ADCY9: variants seen among roughly 807,000 people sequenced by gnomAD.
The protein encoded by ADCY9 is adenylate cyclase 9, also known as adenylate cyclase type 9.
A neutral mutation model predicts 101.5 loss-of-function variants in ADCY9; 50 were observed. The ratio of observed to expected loss-of-function variants is 0.49; its 90% CI spans 0.39 to 0.62. ADCY9 has a LOEUF of 0.62. Among genes scored for constraint, ADCY9 ranks in the 20% least tolerant of loss-of-function variants. The pLI, the probability that ADCY9 is intolerant of heterozygous loss-of-function variation, is 0.00. For missense variants in ADCY9, 1,662 were observed against 1,800.4 expected (o/e 0.92, Z 1.39); for synonymous variants, 905 against 769.3 (o/e 1.18, Z -2.92).
intron 2 of ADCY9, among the ~76,000 whole-genome samples, chr16:4,054,731 C>T (rs994509700): frequency 2.6e-5 from 4 of 152,022 alleles, no homozygotes; most frequent in Admixed American, 1.3e-4. Context: ...CCACCATGCC[C>T]GGCTAATTTT....
In ADCY9 at chr16:3,994,515, T is replaced by G. The variant is rs146360309; in HGVS notation, c.1885-1005A>C. ...TTGTCACCCAGGCTGGAGTACAGTG[T>G]CACGATCTTGGCTCACTGCAACGTC... On this transcript the variant is annotated intron_variant, in intron 3 of 10. Transcript: ENST00000294016. Among the ~76,000 whole-genome samples, 470 of 152,300 alleles carry G rather than the reference T, an allele frequency of 3.1e-3. 3 individuals are homozygous for G. The highest frequency in any genetic ancestry group is 0.011 in the African/African-American group (447 of 41,566).
chr16:3,970,684 T>C (rs7202825), intron 10 of ADCY9, among the ~76,000 whole-genome samples: 9 of 152,288 alleles, frequency 5.9e-5, no homozygotes, highest in African/African-American at 2.2e-4. Flanking sequence ...GTTCTTGGGA[T>C]ATTAAAAAAC....
At chr16:4,047,674 C>T (rs949173160) in intron 2 of ADCY9, among the ~76,000 whole-genome samples, 1 of 152,164 alleles carries the variant, frequency 6.6e-6, no homozygotes, top group African/African-American at 2.4e-5. Context: ...AAATCCATGA[C>T]CAATCAGGTC....
chr16:4,046,072 A>C (rs1416659360), intron 2 of ADCY9, among the ~76,000 whole-genome samples: 1 of 151,862 alleles, frequency 6.6e-6, no homozygotes, highest in Non-Finnish European at 1.5e-5. Flanking sequence ...GCTGGCCTCC[A>C]AATCCTGGGC....
chr16:4,106,932 C>G (rs965271553), intron 2 of ADCY9, among the ~76,000 whole-genome samples: 1 of 152,206 alleles, frequency 6.6e-6, no homozygotes, highest in Non-Finnish European at 1.5e-5. Flanking sequence ...GTTTCCCTTC[C>G]TTAGGCATTC....
chr16:4,078,180 T>C (rs2056879848), intron 2 of ADCY9, among the ~76,000 whole-genome samples: 1 of 152,184 alleles, frequency 6.6e-6, no homozygotes, highest in Admixed American at 6.5e-5. Flanking sequence ...GGAAGACTTG[T>C]GAATGTTCAC....
intron 2 of ADCY9, among the ~76,000 whole-genome samples, chr16:4,046,551 C>A (rs2056666402): frequency 6.6e-6 from 1 of 152,162 alleles, no homozygotes; most frequent in African/African-American, 2.4e-5. Flanking sequence ...GCTTAGTAGT[C>A]ATTTCCAAAG....
intron 3 of ADCY9, among the ~76,000 whole-genome samples, chr16:4,003,327 C>T (rs993516747): frequency 3.9e-5 from 6 of 152,110 alleles, no homozygotes; most frequent in Admixed American, 1.3e-4. Context: ...AAGCTGGGAC[C>T]GTCTCTCGGC....
chr16:3,969,883 G>C (rs796444359), intron 10 of ADCY9, among the ~76,000 whole-genome samples: 18 of 150,856 alleles, frequency 1.2e-4, no homozygotes, highest in African/African-American at 3.9e-4. Context: ...CAGTGTGCTG[G>C]AATACATTTT....
At chr16:4,014,502 T>C (rs1190546154) in intron 2 of ADCY9, among the ~76,000 whole-genome samples, 2 of 150,912 alleles carry the variant, frequency 1.3e-5, no homozygotes, top group Non-Finnish European at 3.0e-5. Flanking sequence ...GGCTGGAGCG[T>C]AGTGGCGCGA....
intron 2 of ADCY9, among the ~76,000 whole-genome samples, chr16:4,100,150 T>C (rs551513918): frequency 3.9e-5 from 6 of 152,034 alleles, no homozygotes; most frequent in Non-Finnish European, 7.4e-5. Flanking sequence ...AAAGTGGCAG[T>C]TCCCCCTTCG....
intron 2 of ADCY9, among the ~76,000 whole-genome samples, chr16:4,069,859 G>T (rs1042645046): frequency 6.6e-6 from 1 of 152,112 alleles, no homozygotes; most frequent in Non-Finnish European, 1.5e-5. Flanking sequence ...ACTTTGGGAG[G>T]CTGAGGCAGG....
intron 2 of ADCY9, among the ~76,000 whole-genome samples, chr16:4,106,808 A>G (rs78865787): frequency 0.024 from 3,645 of 152,320 alleles, 77 homozygotes; most frequent in Non-Finnish European, 0.036. Context: ...TTCCACAGCA[A>G]AGTACATAGG....
At chr16:4,086,389 C>T (rs1475216983) in intron 2 of ADCY9, among the ~76,000 whole-genome samples, 1 of 152,036 alleles carries the variant, frequency 6.6e-6, no homozygotes, top group Non-Finnish European at 1.5e-5. Context: ...CCATGTGACG[C>T]ATGTCAGCCA....
intron 2 of ADCY9, among the ~76,000 whole-genome samples, chr16:4,084,517 G>C (rs2141182692): frequency 6.6e-6 from 1 of 152,126 alleles, no homozygotes; most frequent in South Asian, 2.1e-4. Context: ...CTTGAGGCCA[G>C]GAGATTGAAA....
At chr16:4,023,965 G>A (rs1162491912) in intron 2 of ADCY9, among the ~76,000 whole-genome samples, 2 of 152,064 alleles carry the variant, frequency 1.3e-5, no homozygotes, top group African/African-American at 4.8e-5. Context: ...GCTCTGCAGT[G>A]TTTTAAGTAA....
downstream of ADCY9, among the ~76,000 whole-genome samples, chr16:3,959,535 T>TA (rs1457597890): frequency 6.6e-6 from 1 of 152,078 alleles, no homozygotes; most frequent in Admixed American, 6.6e-5. Context: ...CTAGGTAAAT[T>TA]AAAAAACCTA....
At chr16:3,993,787 T>G (rs935660551) in intron 3 of ADCY9, among the ~76,000 whole-genome samples, 2 of 152,064 alleles carry the variant, frequency 1.3e-5, no homozygotes, top group Non-Finnish European at 2.9e-5. Flanking sequence ...ATTCGAACAA[T>G]GGGATATTAC....
chr16:4,067,145 AT>A (rs1280722740), intron 2 of ADCY9, among the ~76,000 whole-genome samples: 1 of 152,210 alleles, frequency 6.6e-6, no homozygotes, highest in Non-Finnish European at 1.5e-5. Flanking sequence ...ATGAGAAAAA[AT>A]TCATCCTAAA....
Sources: allele counts gnomAD v4.1 joint callset (sites outside exome capture counted in the v4.1 genomes callset), GRCh38; gene constraint gnomAD v4.1.1; transcripts MANE v1.5; gene names NCBI Gene and HGNC (gene_info 2026-07-23, HGNC 2026-07-21).